Variants in LITAF observed in about 807,000 individuals in gnomAD.
The protein encoded by LITAF is lipopolysaccharide-induced tumor necrosis factor-alpha factor.
LITAF carries 9 observed loss-of-function variants against 14.5 expected under a neutral mutation model. The observed-to-expected ratio is 0.62, with a 90% CI of 0.37 to 1.08. The LOEUF (loss-of-function observed/expected upper bound fraction) is 1.08. Ranked by LOEUF, LITAF falls within the 50% of genes least tolerant of loss-of-function variation. The probability of loss-of-function intolerance (pLI) is 0.01; values close to 1 mark genes in which losing one functional copy is unlikely to be tolerated. For synonymous variants in LITAF, 98 were observed against 88.2 expected (o/e 1.11, Z -0.62); for missense variants, 206 against 213.4 (o/e 0.97, Z 0.22).
At chr16:11,556,384 AG>A (rs998831040) in intron 2 of LITAF, 126 bp downstream of exon 2, 1 of 735,848 alleles carries the variant, frequency 1.4e-6, no homozygotes, top group African/African-American at 1.8e-5. Flanking sequence ...TTTCAAGGTA[AG>A]GGGGTAAAAC....
chr16:11,556,514 G>T lies in LITAF; in HGVS notation c.217C>A (p.Pro73Thr). ...GGGCCTGGGAGGCCACACGTACTTG[G>T]ATTGTTATTGGGGATGGGCGCTGGC... ...TQPAPIPNNN[P>T]ITVQTVYVQH... Residue 73 changes from proline (P) to threonine (T), a missense_variant, in exon 2 of 4, where the codon CCA (proline) becomes ACA (threonine). Transcript: ENST00000622633. The T allele has an allele frequency of 6.2e-7, 1 of 1,612,932 alleles. No individual in the cohort carries two copies. The highest frequency in any genetic ancestry group is 8.5e-7 in the Non-Finnish European group (1 of 1,178,984).
At chr16:11,570,724 C>A (rs978123914) in intron 1 of LITAF, among the ~76,000 whole-genome samples, 1 of 151,994 alleles carries the variant, frequency 6.6e-6, no homozygotes, top group African/African-American at 2.4e-5. Flanking sequence ...CCAGCCCTGG[C>A]CACATAGAGA....
chr16:11,632,579 T>G lies in LITAF; in HGVS notation c.85+954A>C, dbSNP rs989003108. Among the ~76,000 whole-genome samples, 1 of 152,232 alleles carries G rather than the reference T, an allele frequency of 6.6e-6. No homozygotes were observed. The highest frequency in any genetic ancestry group is 2.4e-5 in the African/African-American group (1 of 41,468). ...GCCGGCCCCTGTGGGCTCTTTGGCC[T>G]GCGCTCCCTGGCACGTGGGATCCCT... On this transcript the variant is annotated intron_variant, in intron 3 of 3. Coordinates refer to the LITAF transcript ENST00000574848. This position sits in a 1 kb window ranked among gnomAD's most constrained non-coding sequence, Gnocchi z 4.8.
chr16:11,553,783 C>G lies in LITAF; in HGVS notation c.221-94G>C, dbSNP rs758614403. 2 of 1,375,640 alleles carry G rather than the reference C, an allele frequency of 1.5e-6. No individual in the cohort carries two copies. The highest frequency in any genetic ancestry group is 2.4e-5 in the South Asian group (2 of 82,568). The allele number at this position is 1,375,640 out of a possible 1,614,324, so 85.2% of individuals were successfully genotyped here. A position where few individuals can be genotyped will look rare whatever the true frequency, so the allele number is the denominator to read the frequency against. ...AAAGAGAGGAACGCAGGGATGCCAG[C>G]AAATATTATATTTGTACATTTGTGT... On this transcript the variant is annotated intron_variant, in intron 2 of 3. Transcript: ENST00000622633. The surrounding 1 kb of genome is among the most constrained non-coding windows in gnomAD (Gnocchi z 7.7).
intron 1 of LITAF, among the ~76,000 whole-genome samples, chr16:11,573,219 T>A (rs1396281932): frequency 6.6e-6 from 1 of 152,082 alleles, no homozygotes. Context: ...AGTGAGCCAC[T>A]GCACCCGGCC....
upstream of LITAF, among the ~76,000 whole-genome samples, chr16:11,600,538 G>A (rs971219920): frequency 3.3e-5 from 5 of 152,202 alleles, no homozygotes; most frequent in East Asian, 9.6e-4. The surrounding 1 kb of genome is among the most constrained non-coding windows in gnomAD (Gnocchi z 4.1). Flanking sequence ...GGACTGGATT[G>A]GGAGCTTGTC....
At position 11,632,692 on chromosome 16, in the gene LITAF, G is replaced by A. The variant is rs2065123694; in HGVS notation, c.85+841C>T. Among the ~76,000 whole-genome samples, 1 of 152,294 alleles carries A rather than the reference G, an allele frequency of 6.6e-6. No individual in the cohort carries two copies. Among genetic ancestry groups the A allele is most frequent in the Non-Finnish European group, 1.5e-5 (1 of 68,028 alleles). ...CAGGCCCAAGGCAGATGCCACCCAG[G>A]CCCTTCTTTCGGTTCTGCAAATGCC... On this transcript the variant is annotated intron_variant, in intron 3 of 3. Coordinates refer to the LITAF transcript ENST00000574848. This position sits in a 1 kb window ranked among gnomAD's most constrained non-coding sequence, Gnocchi z 4.8.
chr16:11,592,929 G>A (rs762806016), intron 1 of LITAF, among the ~76,000 whole-genome samples: 35 of 152,084 alleles, frequency 2.3e-4, no homozygotes, highest in Non-Finnish European at 4.7e-4. Flanking sequence ...CCAGCACTTT[G>A]GGAGGCCGAG....
chr16:11,638,014 CTATATA>C (rs1157225076), upstream of LITAF, among the ~76,000 whole-genome samples: 10 of 71,906 alleles, frequency 1.4e-4, no homozygotes, highest in African/African-American at 7.0e-4. Flanking sequence ...CTATATATAT[CTATATA>C]TATCTATATA....
At chr16:11,606,895 G>A (rs1264593761) in intron 3 of LITAF, among the ~76,000 whole-genome samples, 1 of 152,098 alleles carries the variant, frequency 6.6e-6, no homozygotes, top group South Asian at 2.1e-4. Context: ...TGCCTCAGCT[G>A]GTCAGAGTGC....
At chr16:11,580,541 C>T (rs944611947) in intron 1 of LITAF, among the ~76,000 whole-genome samples, 1 of 152,114 alleles carries the variant, frequency 6.6e-6, no homozygotes, top group Non-Finnish European at 1.5e-5. Flanking sequence ...CAGGCGTGAG[C>T]CACCGTGCCT....
Position 11,553,500 on chromosome 16 carries a change from G to T in LITAF, c.377+33C>A. 1.9e-6 allele frequency: 3 copies of T among 1,612,974 alleles called. No individual in the cohort carries two copies. The highest frequency in any genetic ancestry group is 2.5e-6 in the Non-Finnish European group (3 of 1,179,686). On this transcript the variant is annotated intron_variant, in intron 3 of 3. Transcript: ENST00000622633. The surrounding 1 kb of genome is among the most constrained non-coding windows in gnomAD (Gnocchi z 7.7). The stretch of plus-strand genomic sequence containing the variant: ...CGCCAGCACCCAGAGAGAAGGGCAG[G>T]ATGGCTTGGGGCCAAGTGGGAGGCA...
intron 1 of LITAF, among the ~76,000 whole-genome samples, chr16:11,560,287 ACT>A (rs2064341247): frequency 6.6e-6 from 1 of 151,666 alleles, no homozygotes; most frequent in African/African-American, 2.4e-5. Flanking sequence ...ACAGAGTGAG[ACT>A]CTGTCTCAAA....
chr16:11,605,560 G>C lies in LITAF; in HGVS notation c.85+27973C>G, dbSNP rs953418065. ...GAAGGGAAGAAAAGGAGAAAGAAGG[G>C]AGGGAAAAAGAGAAATGAAAAGAAA... On this transcript the variant is annotated intron_variant, in intron 3 of 3. Transcript: ENST00000574848. The surrounding 1 kb of genome is among the most constrained non-coding windows in gnomAD (Gnocchi z 4.7). Among the ~76,000 whole-genome samples, 16 of 152,170 alleles carry C rather than the reference G, an allele frequency of 1.1e-4. No individual in the cohort carries two copies. The highest frequency in any genetic ancestry group is 8.5e-4 in the Admixed American group (13 of 15,260).
chr16:11,549,466 G>T lies in LITAF; in HGVS notation c.*171C>A, dbSNP rs1346378963. On this transcript the variant is annotated 3_prime_UTR_variant, in exon 4 of 4. Transcript: ENST00000622633. This position sits in a 1 kb window ranked among gnomAD's most constrained non-coding sequence, Gnocchi z 4.6. ...GCACGACTCCAAGCAGCAATTTCTG[G>T]GGTTTGGAGATTTGTTAGTTTTGCG... The T allele has an allele frequency of 3.0e-6, 2 of 670,432 alleles. No individual in the cohort carries two copies. The highest frequency in any genetic ancestry group is 3.5e-5 in the African/African-American group (2 of 56,378). The allele number at this position is 670,432 out of a possible 1,614,324, so 41.5% of individuals were successfully genotyped here. A position where few individuals can be genotyped will look rare whatever the true frequency, so the allele number is the denominator to read the frequency against.
chr16:11,565,148 T>A (rs1477877773), intron 1 of LITAF, among the ~76,000 whole-genome samples: 1 of 151,230 alleles, frequency 6.6e-6, no homozygotes, highest in Non-Finnish European at 1.5e-5. Flanking sequence ...AGTGGCACAA[T>A]CTTGGCTCGC....
At chr16:11,614,551 T>C (rs1019198169) in intron 3 of LITAF, among the ~76,000 whole-genome samples, 5 of 152,146 alleles carry the variant, frequency 3.3e-5, no homozygotes, top group African/African-American at 1.2e-4. Context: ...CTGCCTGCCT[T>C]GGCCTCCCAA....
intron 1 of LITAF, among the ~76,000 whole-genome samples, chr16:11,565,444 G>A (rs1008935486): frequency 1.1e-4 from 16 of 149,242 alleles, no homozygotes; most frequent in South Asian, 8.7e-4. Context: ...AAAAGCGGGG[G>A]GCGGGGGGGT....
At chr16:11,565,784 G>A (rs143557554) in intron 1 of LITAF, among the ~76,000 whole-genome samples, 2 of 148,512 alleles carry the variant, frequency 1.3e-5, no homozygotes, top group African/African-American at 2.5e-5. Flanking sequence ...TCTTTCTTCC[G>A]TCTGCCTCCT....
Sources: gnomAD v4.1 joint callset for allele counts (sites outside exome capture counted in the v4.1 genomes callset) on GRCh38, gnomAD v4.1.1 for gene constraint, Gnocchi (gnomAD v3.1) non-coding constraint, MANE v1.5 for transcripts, NCBI Gene and HGNC (gene_info 2026-07-23, HGNC 2026-07-21) for gene names.